Variants in RIC8B observed in about 807,000 individuals in gnomAD.
RIC8B encodes RIC8 guanine nucleotide exchange factor B.
Under a neutral mutation model 57.5 loss-of-function variants are expected in RIC8B, and 16 were observed. That is an observed-to-expected ratio of 0.28 (90% CI 0.19 to 0.42). The LOEUF (loss-of-function observed/expected upper bound fraction) is 0.42. Among genes scored for constraint, RIC8B ranks in the 10% least tolerant of loss-of-function variants. RIC8B has a pLI of 1.00. For missense variants in RIC8B, 481 were observed against 677.0 expected, an observed-to-expected ratio of 0.71 and a Z score of 3.21; for synonymous variants, 216 against 250.8, an observed-to-expected ratio of 0.86 and a Z score of 1.31.
intron 3 of RIC8B, among the ~76,000 whole-genome samples, chr12:106,817,836 A>AG (rs1398612330): frequency 1.3e-5 from 2 of 151,644 alleles, no homozygotes; most frequent in Non-Finnish European, 2.9e-5. Flanking sequence ...AAAAAAAAAA[A>AG]AAAAAAATCT....
intron 7 of RIC8B, among the ~76,000 whole-genome samples, chr12:106,857,882 C>G (rs1949770879): frequency 6.6e-6 from 1 of 152,152 alleles, no homozygotes; most frequent in African/African-American, 2.4e-5. Context: ...ATCCTGTTAA[C>G]AGAAGTTCAT....
At chr12:106,828,932 G>A (rs1457533587) in intron 4 of RIC8B, among the ~76,000 whole-genome samples, 3 of 152,106 alleles carry the variant, frequency 2.0e-5, no homozygotes, top group Non-Finnish European at 4.4e-5. Flanking sequence ...CATGTTAGGA[G>A]CCTATAAAGG....
At chr12:106,801,490 G>A (rs967360661) in intron 2 of RIC8B, among the ~76,000 whole-genome samples, 5 of 152,150 alleles carry the variant, frequency 3.3e-5, no homozygotes, top group Admixed American at 3.3e-4. Context: ...ACATGTGCAG[G>A]AAAGGAAGTT....
chr12:106,877,055 T>C (rs1593397853), intron 9 of RIC8B, among the ~76,000 whole-genome samples: 1 of 152,132 alleles, frequency 6.6e-6, no homozygotes, highest in East Asian at 1.9e-4. Context: ...TTAACCATGC[T>C]GTTTACTGTG....
At chr12:106,822,156 T>C (rs375655331) in intron 3 of RIC8B, 1 of 137,014 alleles carries the variant, frequency 7.3e-6, no homozygotes, top group Admixed American at 7.3e-5. Flanking sequence ...AAAAGAGATA[T>C]CCAAATGAGT....
At chr12:106,839,994 G>A (rs1367280347) in intron 4 of RIC8B, among the ~76,000 whole-genome samples, 1 of 151,998 alleles carries the variant, frequency 6.6e-6, no homozygotes, top group African/African-American at 2.4e-5. Context: ...CTCTGGCCTG[G>A]GCAAGAGACT....
At chr12:106,808,232 A>G (rs1198170298) in intron 2 of RIC8B, among the ~76,000 whole-genome samples, 1 of 152,170 alleles carries the variant, frequency 6.6e-6, no homozygotes, top group Non-Finnish European at 1.5e-5. Context: ...TTTAAAGTAT[A>G]TGGGAGGTTG....
intron 9 of RIC8B, among the ~76,000 whole-genome samples, chr12:106,875,793 G>GT (rs773730873): frequency 9.3e-4 from 140 of 150,626 alleles, no homozygotes; most frequent in South Asian, 2.7e-3. Context: ...TGTTTTTTTT[G>GT]TTGTTGCCAG....
chr12:106,848,221 G>A (rs1267459347), intron 6 of RIC8B, among the ~76,000 whole-genome samples: 1 of 152,224 alleles, frequency 6.6e-6, no homozygotes, highest in Non-Finnish European at 1.5e-5. Context: ...CAAAAGACCT[G>A]AGGCAGGAAA....
At chr12:106,873,478 T>G (rs1950534804) in intron 9 of RIC8B, among the ~76,000 whole-genome samples, 1 of 152,200 alleles carries the variant, frequency 6.6e-6, no homozygotes, top group South Asian at 2.1e-4. Context: ...TTGTGCTGTG[T>G]TCCTCATTAG....
intron 4 of RIC8B, among the ~76,000 whole-genome samples, chr12:106,827,807 A>G (rs2046175658): frequency 6.6e-6 from 1 of 152,192 alleles, no homozygotes; most frequent in African/African-American, 2.4e-5. Context: ...CCCTAAAACT[A>G]AAAGAAAATG....
rs374606156 is a variant in RIC8B at position 106,779,681 on chromosome 12, A to ATTTT, written c.85-4302_85-4299dup. On this transcript the variant is annotated intron_variant, in intron 1 of 9. Coordinates refer to ENST00000392837, the MANE Select transcript of RIC8B (RefSeq NM_001330145.2). ...TCAACACAGACACACACAAAAAAAA[A>ATTTT]TTTTTTTTTTTTTTTTTCAGATATT... Among the ~76,000 whole-genome samples, 5 of 137,442 alleles carry ATTTT rather than the reference A, an allele frequency of 3.6e-5. No homozygotes were observed. In the East Asian group the frequency reaches 8.5e-4, roughly 23 times the overall value. The allele number at this position is 137,442 out of a possible 152,430, so 90.2% of individuals were successfully genotyped here.
chr12:106,877,554 C>G (rs994146873), intron 9 of RIC8B, among the ~76,000 whole-genome samples: 7 of 152,070 alleles, frequency 4.6e-5, no homozygotes, highest in African/African-American at 1.7e-4. Context: ...AAACACAAAA[C>G]AAAGCAAAGC....
At chr12:106,783,907 A>G (rs1180429419) in intron 1 of RIC8B, 90 bp from the exon 2 acceptor site, 4 of 1,163,276 alleles carry the variant, frequency 3.4e-6, no homozygotes, top group Non-Finnish European at 5.0e-6. Context: ...CATTTTTTAC[A>G]GGGACATTAT....
intron 2 of RIC8B, among the ~76,000 whole-genome samples, chr12:106,806,911 A>G (rs912223250): frequency 6.6e-6 from 1 of 152,238 alleles, no homozygotes; most frequent in African/African-American, 2.4e-5. Flanking sequence ...CTCCAGCCAC[A>G]TACATTCAGC....
Position 106,825,840 on chromosome 12 carries a change from A to G in RIC8B, c.836+20A>G. Reference sequence around the variant, plus strand: ...ACACAGGTGGGTAAGCTCTGTATTGATATCCCAATGAAGGACATCATCAGT... The same window carrying G: ...ACACAGGTGGGTAAGCTCTGTATTGGTATCCCAATGAAGGACATCATCAGT... On this transcript the variant is annotated intron_variant, in intron 4 of 9. Coordinates refer to ENST00000392837, the MANE Select transcript of RIC8B (RefSeq NM_001330145.2). 1 of 1,497,180 alleles carries G rather than the reference A, an allele frequency of 6.7e-7. No individual in the cohort carries two copies. Among genetic ancestry groups the G allele is most frequent in the Non-Finnish European group, 9.3e-7 (1 of 1,073,336 alleles). The allele number at this position is 1,497,180 out of a possible 1,614,324, so 92.7% of individuals were successfully genotyped here.
chr12:106,787,214 A>G (rs1407016228), intron 2 of RIC8B, among the ~76,000 whole-genome samples: 1 of 152,174 alleles, frequency 6.6e-6, no homozygotes, highest in African/African-American at 2.4e-5. Context: ...GTTATAAACA[A>G]ATGTCATTAG....
At chr12:106,880,648 CTGA>C (rs779752125) in intron 9 of RIC8B, among the ~76,000 whole-genome samples, 2 of 152,096 alleles carry the variant, frequency 1.3e-5, no homozygotes, top group Admixed American at 6.6e-5. Flanking sequence ...GTCAGAATGT[CTGA>C]TGATATTAAT....
intron 7 of RIC8B, among the ~76,000 whole-genome samples, chr12:106,854,398 T>G (rs1361847309): frequency 6.6e-6 from 1 of 152,118 alleles, no homozygotes; most frequent in African/African-American, 2.4e-5. Context: ...CCAAGTAAAT[T>G]TGAAAGTGAA....
Sources: gnomAD v4.1 joint callset for allele counts (sites outside exome capture counted in the v4.1 genomes callset) on GRCh38, gnomAD v4.1.1 for gene constraint, MANE v1.5 for transcripts, NCBI Gene and HGNC (gene_info 2026-07-23, HGNC 2026-07-21) for gene names.